Variants in SRL observed in about 807,000 individuals in gnomAD.
SRL encodes sarcalumenin.
In SRL, 23 loss-of-function variants were observed where a neutral mutation model predicts 39.5. That is an observed-to-expected ratio of 0.58 (90% CI 0.42 to 0.82). The LOEUF is 0.82. Ranked by LOEUF, SRL falls within the 40% of genes least tolerant of loss-of-function variation. SRL has a pLI of 0.00. For missense variants in SRL, 592 were observed against 607.8 expected (o/e 0.97, Z 0.27); for synonymous variants, 272 against 237.4 (o/e 1.15, Z -1.34).
chr16:4,195,544 C>A lies in SRL; in HGVS notation c.610+9G>T. The A allele has an allele frequency of 6.2e-7, 1 of 1,613,640 alleles. No individual in the cohort carries two copies. Among genetic ancestry groups the A allele is most frequent in the Non-Finnish European group, 8.5e-7 (1 of 1,179,618 alleles). ...AGCTTACACTGTTCAGAAATGAGGG[C>A]TAAATTACCTCTTTCTTGCTGCTTG... is the stretch of plus-strand genomic sequence containing the variant. On this transcript the variant is annotated intron_variant, in intron 5 of 5. Coordinates refer to ENST00000399609, the MANE Select transcript of SRL (RefSeq NM_001098814.2).
chr16:4,206,847 G>T (rs1281906505), intron 1 of SRL: 1 of 456,646 alleles, frequency 2.2e-6, no homozygotes, highest in East Asian at 6.9e-5. Flanking sequence ...GCCAGGCTGG[G>T]CCCCTCTGTC....
intron 1 of SRL, among the ~76,000 whole-genome samples, chr16:4,235,149 G>A (rs976872982): frequency 6.6e-6 from 1 of 152,182 alleles, no homozygotes; most frequent in Non-Finnish European, 1.5e-5. Context: ...TAGGGCGGAG[G>A]CAGACTCTGA....
At chr16:4,206,981 C>T in intron 1 of SRL, 2 of 454,872 alleles carry the variant, frequency 4.4e-6, no homozygotes, top group Non-Finnish European at 8.8e-6. Flanking sequence ...CTTCCTGTGG[C>T]GCTCCACCTT....
chr16:4,212,428 C>A (rs1044133667), intron 1 of SRL, among the ~76,000 whole-genome samples: 1 of 152,176 alleles, frequency 6.6e-6, no homozygotes, highest in East Asian at 1.9e-4. Flanking sequence ...TCACTTCCAT[C>A]GCATGACATC....
chr16:4,214,978 G>C (rs1332425750), intron 1 of SRL, among the ~76,000 whole-genome samples: 2 of 152,056 alleles, frequency 1.3e-5, no homozygotes, highest in East Asian at 3.9e-4. Flanking sequence ...ATGTTGGCCA[G>C]GCTGGTCTCA....
intron 1 of SRL, among the ~76,000 whole-genome samples, chr16:4,213,921 A>G (rs933398152): frequency 4.6e-5 from 7 of 152,216 alleles, no homozygotes; most frequent in Non-Finnish European, 8.8e-5. Context: ...CTCACAAGTC[A>G]TTCCAGGGAT....
At chr16:4,193,025 C>CCTTT in intron 5 of SRL, 61 bp from the exon 6 acceptor site, 1 of 1,417,124 alleles carries the variant, frequency 7.1e-7, no homozygotes, top group Non-Finnish European at 9.6e-7. Flanking sequence ...CCGCGCACCT[C>CCTTT]CTTTCAGAAC....
chr16:4,190,702 T>C lies in SRL; in HGVS notation c.*1451A>G. 2.6e-6 allele frequency: 1 copy of C among 380,276 alleles called. No homozygotes were observed. Among genetic ancestry groups the C allele is most frequent in the Non-Finnish European group, 4.7e-6 (1 of 214,428 alleles). The allele number at this position is 380,276 out of a possible 1,614,324, so 23.6% of individuals were successfully genotyped here. A position where few individuals can be genotyped will look rare whatever the true frequency, so the allele number is the denominator to read the frequency against. On this transcript the variant is annotated 3_prime_UTR_variant, in exon 6 of 6. Transcript: ENST00000399609. ...AAGGCCCTGGCTTTCCTGCGGTGTG[T>C]TCAGTGGACATCTGCATCAAGGTCA...
intron 1 of SRL, among the ~76,000 whole-genome samples, chr16:4,241,210 G>T (rs1407177766): frequency 6.6e-6 from 1 of 152,082 alleles, no homozygotes; most frequent in Non-Finnish European, 1.5e-5. Flanking sequence ...TTCCCTCGGG[G>T]AACCTGGCCT....
chr16:4,203,236 G>A lies in SRL; in HGVS notation c.189C>T (p.Ile63=), dbSNP rs1183408251. 4 of 1,614,014 alleles carry A rather than the reference G, an allele frequency of 2.5e-6. No individual in the cohort carries two copies. In the African/African-American group the frequency reaches 4.0e-5, roughly 16 times the overall value. ...CCAGAGGCTTGATGGATGAGTGGTA[G>A]ATCTTCCGAAGCCGCTGCAGCACCG... is the stretch of plus-strand genomic sequence containing the variant. ...YSAVLQRLRK[I]YHSSIKPLEQ... is the part of the protein sequence containing the mutation. The change falls in exon 3 of 6, where the codon ATC becomes ATT. Residue 63 remains isoleucine (I), a synonymous_variant. Transcript: ENST00000399609.
chr16:4,207,900 G>A (rs940658795), intron 1 of SRL: 6 of 456,578 alleles, frequency 1.3e-5, no homozygotes, highest in African/African-American at 2.0e-5. Flanking sequence ...ATCGGGGCCC[G>A]CGCTGGCGGC....
In SRL at chr16:4,197,816, C is replaced by T. The variant is rs754616831; in HGVS notation, c.359G>A (p.Arg120His). Residue 120 changes from arginine to histidine, a missense_variant, in exon 4 of 6, where the codon CGC (arginine) becomes CAC (histidine). Coordinates refer to ENST00000399609, the MANE Select transcript of SRL (RefSeq NM_001098814.2). The part of the protein sequence containing the change: ...INYLLGLENT[R>H]YQLYTGAEPT... ...TTGATTACCTGTATAGAGCTGATAGCGAGTATTTTCCAGCCCAAGGAGGTA... is the reference window on the plus strand; with the variant it reads ...TTGATTACCTGTATAGAGCTGATAGTGAGTATTTTCCAGCCCAAGGAGGTA... 1.9e-5 allele frequency: 30 copies of T among 1,607,436 alleles called. No homozygotes were observed. Among genetic ancestry groups the T allele is most frequent in the Non-Finnish European group, 2.3e-5 (27 of 1,174,122 alleles).
chr16:4,212,060 G>T (rs950053517), intron 1 of SRL, among the ~76,000 whole-genome samples: 8 of 152,162 alleles, frequency 5.3e-5, no homozygotes, highest in Admixed American at 5.2e-4. Context: ...GAGGTTCACC[G>T]TGACCATGAC....
chr16:4,228,506 C>A (rs143381641), intron 1 of SRL, among the ~76,000 whole-genome samples: 2 of 151,940 alleles, frequency 1.3e-5, no homozygotes, highest in East Asian at 1.9e-4. Flanking sequence ...GAGGCCGAGG[C>A]GGGCGGATCA....
chr16:4,221,364 T>C (rs1278616759), intron 1 of SRL, among the ~76,000 whole-genome samples: 2 of 152,226 alleles, frequency 1.3e-5, no homozygotes, highest in Non-Finnish European at 2.9e-5. Flanking sequence ...TTCTTTTCTT[T>C]TCCCTTGGCA....
chr16:4,224,114 G>A (rs761022110), intron 1 of SRL, among the ~76,000 whole-genome samples: 14 of 152,240 alleles, frequency 9.2e-5, no homozygotes, highest in South Asian at 4.1e-4. Flanking sequence ...CTGGGACCCC[G>A]GGCATCTGGA....
Position 4,192,073 on chromosome 16 carries a change from A to T in SRL, c.*80T>A. 1.4e-6 allele frequency: 2 copies of T among 1,419,646 alleles called. No homozygotes were observed. Among genetic ancestry groups the T allele is most frequent in the Non-Finnish European group, 1.9e-6 (2 of 1,047,158 alleles). 87.9% of individuals were successfully genotyped at this position (1,419,646 alleles called of 1,614,324 possible). On this transcript the variant is annotated 3_prime_UTR_variant, in exon 6 of 6. Transcript: ENST00000399609. This position sits in a 1 kb window ranked among gnomAD's most constrained non-coding sequence, Gnocchi z 4.0. ...AATAATTCCTGCCAGTGTGGCTCAA[A>T]GGGTTAATAAACCAGGACCTCTCAG...
At chr16:4,204,684 G>T in intron 1 of SRL, 50 bp from the exon 2 acceptor site, 1 of 1,556,068 alleles carries the variant, frequency 6.4e-7, no homozygotes, top group Non-Finnish European at 8.9e-7. Flanking sequence ...ACAGCCAGCT[G>T]AGCTCTGGGC....
chr16:4,214,888 C>G (rs1399439010), intron 1 of SRL, among the ~76,000 whole-genome samples: 1 of 152,208 alleles, frequency 6.6e-6, no homozygotes, highest in East Asian at 1.9e-4. Flanking sequence ...CTGCCTCAGC[C>G]TCCCGAGTAG....
Sources: allele counts gnomAD v4.1 joint callset (sites outside exome capture counted in the v4.1 genomes callset), GRCh38; gene constraint gnomAD v4.1.1; non-coding constraint Gnocchi (gnomAD v3.1); transcripts MANE v1.5; gene names NCBI Gene and HGNC (gene_info 2026-07-23, HGNC 2026-07-21).